GABRG3: variants seen among roughly 807,000 people sequenced by gnomAD.
GABRG3 encodes gamma-aminobutyric acid receptor subunit gamma-3.
A neutral mutation model predicts 48.8 loss-of-function variants in GABRG3; 25 were observed. That is an observed-to-expected ratio of 0.51 (90% CI 0.37 to 0.72). The LOEUF is 0.72. Ranked by LOEUF, GABRG3 falls within the 30% of genes least tolerant of loss-of-function variation. The probability of loss-of-function intolerance (pLI) is 0.00; values close to 1 mark genes in which losing one functional copy is unlikely to be tolerated. For synonymous variants in GABRG3, 227 were observed against 217.6 expected, an observed-to-expected ratio of 1.04 and a Z score of -0.38; for missense variants, 394 against 577.9, an observed-to-expected ratio of 0.68 and a Z score of 3.26.
chr15:27,510,218 A>G (rs1890863487), intron 6 of GABRG3, among the ~76,000 whole-genome samples: 2 of 152,028 alleles, frequency 1.3e-5, no homozygotes, highest in South Asian at 4.2e-4. Flanking sequence ...GGATGGTGAG[A>G]TGTTATCTAT....
At chr15:27,450,843 TAAAC>T (rs1357252489) in intron 5 of GABRG3, among the ~76,000 whole-genome samples, 1 of 152,124 alleles carries the variant, frequency 6.6e-6, no homozygotes, top group Admixed American at 6.6e-5. Context: ...TTAAAACTAA[TAAAC>T]AAATTCAGTA....
At chr15:27,172,542 G>A (rs1268525437) in intron 3 of GABRG3, among the ~76,000 whole-genome samples, 1 of 152,094 alleles carries the variant, frequency 6.6e-6, no homozygotes, top group Non-Finnish European at 1.5e-5. Context: ...ACTCCTCTGC[G>A]ACACTCTGCT....
intron 3 of GABRG3, among the ~76,000 whole-genome samples, chr15:27,267,718 A>G (rs1190114241): frequency 2.6e-5 from 4 of 152,202 alleles, no homozygotes; most frequent in African/African-American, 9.7e-5. Context: ...TAGTTTACTG[A>G]GAGTTTTTTT....
intron 3 of GABRG3, among the ~76,000 whole-genome samples, chr15:27,188,739 C>T (rs941695878): frequency 3.9e-5 from 6 of 152,122 alleles, no homozygotes; most frequent in African/African-American, 1.4e-4. Context: ...TCATTAGATC[C>T]CATTTGTCAA....
chr15:27,101,741 C>T (rs1897361288), intron 3 of GABRG3, among the ~76,000 whole-genome samples: 1 of 150,516 alleles, frequency 6.6e-6, no homozygotes, highest in Non-Finnish European at 1.5e-5. Flanking sequence ...CACCCTAGAC[C>T]AGGGGTGTCC....
intron 3 of GABRG3, among the ~76,000 whole-genome samples, chr15:27,105,222 C>A (rs960377942): frequency 1.3e-5 from 2 of 152,040 alleles, no homozygotes; most frequent in Non-Finnish European, 2.9e-5. Flanking sequence ...GATCGATTCA[C>A]CAGGAAGACA....
At chr15:27,135,007 A>G (rs1202786977) in intron 3 of GABRG3, among the ~76,000 whole-genome samples, 1 of 152,190 alleles carries the variant, frequency 6.6e-6, no homozygotes, top group Non-Finnish European at 1.5e-5. Flanking sequence ...GTGCAATGAG[A>G]ACAGTTATGA....
intron 3 of GABRG3, among the ~76,000 whole-genome samples, chr15:27,199,863 C>CT (rs892136667): frequency 4.0e-5 from 6 of 150,980 alleles, no homozygotes; most frequent in Admixed American, 6.6e-5. Context: ...TTTGTTTTGT[C>CT]TTTTTTTTTC....
At chr15:27,448,620 A>G (rs1889014391) in intron 5 of GABRG3, among the ~76,000 whole-genome samples, 1 of 152,248 alleles carries the variant, frequency 6.6e-6, no homozygotes, top group African/African-American at 2.4e-5. Context: ...AAGAAAAGGT[A>G]GGGATTTCTG....
intron 5 of GABRG3, among the ~76,000 whole-genome samples, chr15:27,438,891 T>G (rs1198891889): frequency 3.3e-5 from 5 of 152,176 alleles, no homozygotes; most frequent in Admixed American, 6.5e-5. Context: ...AGGTGTCTGT[T>G]GTCTCCCTGG....
intron 5 of GABRG3, among the ~76,000 whole-genome samples, chr15:27,470,098 C>A (rs778117470): frequency 2.0e-5 from 3 of 152,168 alleles, no homozygotes; most frequent in Admixed American, 6.5e-5. Context: ...TCAGTATCTA[C>A]AGGAAAGACA....
At chr15:27,206,743 G>A (rs749352063) in intron 3 of GABRG3, among the ~76,000 whole-genome samples, 13 of 152,288 alleles carry the variant, frequency 8.5e-5, no homozygotes, top group African/African-American at 2.2e-4. Context: ...CCAGTGTCGG[G>A]TGCATATATA....
chr15:27,487,145 C>G (rs1388087611), intron 6 of GABRG3, among the ~76,000 whole-genome samples: 1 of 152,154 alleles, frequency 6.6e-6, no homozygotes, highest in Non-Finnish European at 1.5e-5. Context: ...GAGTCATCCT[C>G]CATCTCTAAT....
intron 3 of GABRG3, among the ~76,000 whole-genome samples, chr15:27,313,886 G>A (rs901320838): frequency 1.3e-5 from 2 of 151,822 alleles, no homozygotes; most frequent in African/African-American, 4.8e-5. Context: ...AATACCTGAA[G>A]TAAACAACCT....
At chr15:27,068,138 C>T (rs1896769554) in intron 3 of GABRG3, among the ~76,000 whole-genome samples, 1 of 152,216 alleles carries the variant, frequency 6.6e-6, no homozygotes, top group African/African-American at 2.4e-5. Flanking sequence ...ATCTACCCTC[C>T]AAGCTACCAG....
chr15:27,152,063 C>T (rs113033943), intron 3 of GABRG3, among the ~76,000 whole-genome samples: 3,224 of 152,200 alleles, frequency 0.021, 52 homozygotes, highest in Admixed American at 0.036. Flanking sequence ...GAGAAGTAGA[C>T]CTTTTTTTAT....
Position 27,319,914 on chromosome 15 carries a change from A to G in GABRG3, c.271-6895A>G, listed in dbSNP as rs966080796. On this transcript the variant is annotated intron_variant, in intron 3 of 9. Transcript: ENST00000615808. This position sits in a 1 kb window ranked among gnomAD's most constrained non-coding sequence, Gnocchi z 4.4. The stretch of plus-strand genomic sequence containing the variant: ...ATGGGATGCGAATCTGAAAGCAGTC[A>G]GTGGGTTGGGGAGGGCAGAGGGAGG... 6.6e-6 allele frequency among the ~76,000 whole-genome samples: 1 copy of G among 152,184 alleles called. No individual in the cohort carries two copies. Among genetic ancestry groups the G allele is most frequent in the Non-Finnish European group, 1.5e-5 (1 of 68,026 alleles).
chr15:27,121,257 G>T (rs1467758706), intron 3 of GABRG3, among the ~76,000 whole-genome samples: 1 of 152,146 alleles, frequency 6.6e-6, no homozygotes, highest in Non-Finnish European at 1.5e-5. Context: ...TGTGTCTGGG[G>T]TCAGTCTTTG....
chr15:27,538,182 T>C lies in GABRG3; in HGVS notation c.*5301T>C, dbSNP rs1269557949. 2.0e-5 allele frequency: 3 copies of C among 152,350 alleles called. No individual in the cohort carries two copies. The highest frequency in any genetic ancestry group is 7.2e-5 in the African/African-American group (3 of 41,576). The allele number at this position is 152,350 out of a possible 1,614,324, so 9.4% of individuals were successfully genotyped here. ...AATGCCACCTAGCTGAATAATGCTT[T>C]GGGTTTTACTGTTGTCAATAAAACC... is the stretch of plus-strand genomic sequence containing the variant. On this transcript the variant is annotated 3_prime_UTR_variant, in exon 10 of 10. Coordinates refer to ENST00000615808, the MANE Select transcript of GABRG3 (RefSeq NM_033223.5).
Sources: allele counts gnomAD v4.1 joint callset (sites outside exome capture counted in the v4.1 genomes callset), GRCh38; gene constraint gnomAD v4.1.1; non-coding constraint Gnocchi (gnomAD v3.1); transcripts MANE v1.5; gene names NCBI Gene and HGNC (gene_info 2026-07-23, HGNC 2026-07-21).